The following SOX5 variants were observed in gnomAD, a reference collection of about 807,000 sequenced individuals.
SOX5 encodes the protein transcription factor SOX-5.
SOX5 carries 9 observed loss-of-function variants against 92.0 expected under a neutral mutation model. The ratio of observed to expected loss-of-function variants is 0.10; its 90% CI spans 0.06 to 0.17. The LOEUF is 0.17. Ranked by LOEUF, SOX5 falls within the 10% of genes least tolerant of loss-of-function variation. The pLI is 1.00. For synonymous variants in SOX5, 344 were observed against 336.3 expected, an observed-to-expected ratio of 1.02 and a Z score of -0.25; for missense variants, 642 against 944.5, an observed-to-expected ratio of 0.68 and a Z score of 4.20.
chr12:24,320,635 G>A (rs1414692357), intron 2 of SOX5, among the ~76,000 whole-genome samples: 5 of 152,088 alleles, frequency 3.3e-5, no homozygotes, highest in Non-Finnish European at 7.4e-5. Flanking sequence ...GGAGGCCGAG[G>A]CGGGGAGATC....
At chr12:24,315,763 G>A (rs1949637974) in intron 2 of SOX5, among the ~76,000 whole-genome samples, 1 of 152,204 alleles carries the variant, frequency 6.6e-6, no homozygotes, top group African/African-American at 2.4e-5. Flanking sequence ...TAAAGGGAAA[G>A]TAGTTCAGAT....
intron 1 of SOX5, among the ~76,000 whole-genome samples, chr12:24,420,901 C>T (rs1289985113): frequency 6.6e-6 from 1 of 152,136 alleles, no homozygotes; most frequent in South Asian, 2.1e-4. Flanking sequence ...GACAGAGGAA[C>T]ATGCTAAACC....
At chr12:23,660,853 TA>T (rs2082944706) in intron 7 of SOX5, among the ~76,000 whole-genome samples, 1 of 152,326 alleles carries the variant, frequency 6.6e-6, no homozygotes, top group South Asian at 2.1e-4. Context: ...TTTTATTTAG[TA>T]AAGTCCAAAG....
intron 9 of SOX5, among the ~76,000 whole-genome samples, chr12:23,580,346 C>T (rs1464096649): frequency 6.6e-6 from 1 of 151,972 alleles, no homozygotes; most frequent in African/African-American, 2.4e-5. Context: ...TTCTGTTACA[C>T]AATAACCACA....
chr12:24,399,077 G>A (rs947544291), intron 1 of SOX5, among the ~76,000 whole-genome samples: 5 of 152,188 alleles, frequency 3.3e-5, no homozygotes, highest in Non-Finnish European at 5.9e-5. Context: ...AAACGGCCAC[G>A]GTCTTTCCAA....
At chr12:24,174,480 G>A (rs919614095) in intron 4 of SOX5, among the ~76,000 whole-genome samples, 4 of 151,806 alleles carry the variant, frequency 2.6e-5, no homozygotes, top group African/African-American at 9.7e-5. Context: ...ACCAATTCTT[G>A]TTCCAGACAT....
chr12:23,982,008 T>C (rs150550020), intron 4 of SOX5, among the ~76,000 whole-genome samples: 1 of 152,278 alleles, frequency 6.6e-6, no homozygotes, highest in Non-Finnish European at 1.5e-5. Flanking sequence ...ACAAAGACCA[T>C]ATCATTTTCT....
At chr12:24,342,393 A>C (rs1952680994) in intron 2 of SOX5, among the ~76,000 whole-genome samples, 1 of 152,184 alleles carries the variant, frequency 6.6e-6, no homozygotes, top group Middle Eastern at 3.2e-3. Context: ...TTATCCTATT[A>C]GATCTCTCCA....
At chr12:24,365,583 T>C (rs1191232947) in intron 2 of SOX5, among the ~76,000 whole-genome samples, 1 of 147,804 alleles carries the variant, frequency 6.8e-6, no homozygotes, top group African/African-American at 2.5e-5. Flanking sequence ...TGTTCCAAAA[T>C]AAAATATGGA....
intron 10 of SOX5, among the ~76,000 whole-genome samples, chr12:23,575,309 CAA>C (rs1161183504): frequency 6.6e-6 from 1 of 151,632 alleles, no homozygotes. Flanking sequence ...GTGCAATTCA[CAA>C]AAAAAATGGA....
intron 5 of SOX5, among the ~76,000 whole-genome samples, chr12:23,736,920 T>G (rs1300591669): frequency 3.9e-5 from 6 of 152,042 alleles, no homozygotes; most frequent in Non-Finnish European, 5.9e-5. Context: ...CTTGAACTCC[T>G]GACCTCGGGT....
intron 2 of SOX5, among the ~76,000 whole-genome samples, chr12:24,337,007 C>A (rs1370144046): frequency 6.6e-6 from 1 of 152,100 alleles, no homozygotes; most frequent in Admixed American, 6.6e-5. Flanking sequence ...TTAAGATGCA[C>A]GTGGATGCTT....
At chr12:23,627,003 G>C (rs539137659) in intron 8 of SOX5, among the ~76,000 whole-genome samples, 3 of 152,264 alleles carry the variant, frequency 2.0e-5, no homozygotes, top group African/African-American at 7.2e-5. Context: ...AGCAATATGG[G>C]AGGTTAGAAT....
chr12:23,801,868 C>A lies in SOX5; in HGVS notation c.481+44115G>T, dbSNP rs1334042214. Among the ~76,000 whole-genome samples, 4 of 152,232 alleles carry A rather than the reference C, an allele frequency of 2.6e-5. No individual in the cohort carries two copies. In the East Asian group the frequency reaches 7.7e-4, roughly 29 times the overall value. The stretch of plus-strand genomic sequence containing the variant: ...GATTTTAGCTACTTCACCATCTTGA[C>A]TACTACTGTTTCTTAACAGTCCTAT... On this transcript the variant is annotated intron_variant, in intron 3 of 14. Coordinates refer to ENST00000451604, the MANE Select transcript of SOX5 (RefSeq NM_006940.6).
chr12:23,979,938 T>TAGACAGACAGACAGACAGAC (rs1442752570), intron 4 of SOX5, among the ~76,000 whole-genome samples: 1 of 113,492 alleles, frequency 8.8e-6, no homozygotes, highest in Non-Finnish European at 2.1e-5. Flanking sequence ...GACAGACAGA[T>TAGACAGACAGACAGACAGAC]AGATAGATAG....
chr12:24,478,715 T>C (rs969158052), intron 1 of SOX5, among the ~76,000 whole-genome samples: 4 of 152,250 alleles, frequency 2.6e-5, no homozygotes, highest in African/African-American at 9.6e-5. Flanking sequence ...TGTTGCACTC[T>C]TGACAATTCT....
At chr12:23,930,851 G>T (rs907324608) in intron 1 of SOX5, among the ~76,000 whole-genome samples, 1 of 151,636 alleles carries the variant, frequency 6.6e-6, no homozygotes, top group East Asian at 1.9e-4. Context: ...TCTGGAAAAT[G>T]TATCATTCTT....
intron 1 of SOX5, among the ~76,000 whole-genome samples, chr12:24,480,637 G>A (rs534251219): frequency 6.6e-6 from 1 of 152,192 alleles, no homozygotes; most frequent in East Asian, 1.9e-4. Context: ...ACATACAAAT[G>A]GCTAACAGGC....
intron 3 of SOX5, among the ~76,000 whole-genome samples, chr12:24,263,126 T>C (rs1303757337): frequency 6.6e-6 from 1 of 151,998 alleles, no homozygotes; most frequent in Non-Finnish European, 1.5e-5. Flanking sequence ...CTCAAGAGGC[T>C]GAGACAGGAG....
Sources: allele counts gnomAD v4.1 joint callset (sites outside exome capture counted in the v4.1 genomes callset), GRCh38; gene constraint gnomAD v4.1.1; transcripts MANE v1.5; gene names NCBI Gene and HGNC (gene_info 2026-07-23, HGNC 2026-07-21).